Variants in HMGXB4 observed in about 807,000 individuals in gnomAD.
HMGXB4 encodes HMG domain-containing protein 4.
In HMGXB4, 27 loss-of-function variants were observed where a neutral mutation model predicts 63.9. The observed-to-expected ratio is 0.42, with a 90% CI of 0.31 to 0.58. The LOEUF (loss-of-function observed/expected upper bound fraction) is 0.58, where lower values mean the gene tolerates loss of function less well. Ranked by LOEUF, HMGXB4 falls within the 20% of genes least tolerant of loss-of-function variation. HMGXB4 has a pLI of 0.13. For missense variants in HMGXB4, 624 were observed against 700.7 expected (o/e 0.89, Z 1.24); for synonymous variants, 264 against 265.3 (o/e 0.99, Z 0.05).
chr22:35,285,255 T>A lies in HMGXB4; in HGVS notation c.1298-742T>A, dbSNP rs571430943. Among the ~76,000 whole-genome samples, 47 of 152,144 alleles carry A rather than the reference T, an allele frequency of 3.1e-4. 1 individual carries two copies. In the South Asian group the frequency reaches 9.3e-3, roughly 30 times the overall value. On this transcript the variant is annotated intron_variant, in intron 6 of 10. Transcript: ENST00000216106. ...ACCTCATCTCTACAAATAATAATTT[T>A]AAAAAATAGCTGGGCGTGGTGGCTC...
the HMGXB4 span, among the ~76,000 whole-genome samples, chr22:35,247,336 C>G: frequency 6.6e-6 from 1 of 152,210 alleles, no homozygotes; most frequent in Non-Finnish European, 1.5e-5. Context: ...CTGATGGGAA[C>G]CCATATGGTT....
chr22:35,263,713 T>C (rs1923013895), intron 3 of HMGXB4, 83 bp from the exon 4 acceptor site: 2 of 928,736 alleles, frequency 2.2e-6, no homozygotes, highest in South Asian at 2.7e-5. Flanking sequence ...TTTCCCAAAA[T>C]CAAAAATCAT....
the HMGXB4 span, among the ~76,000 whole-genome samples, chr22:35,241,894 G>A: frequency 5.9e-5 from 9 of 152,118 alleles, no homozygotes; most frequent in African/African-American, 2.2e-4. Context: ...GCAAGCCTCA[G>A]CACGCTGCTC....
chr22:35,267,971 C>T (rs1923364256), intron 5 of HMGXB4, among the ~76,000 whole-genome samples: 1 of 152,162 alleles, frequency 6.6e-6, no homozygotes, highest in Non-Finnish European at 1.5e-5. Context: ...ATGAAATTTA[C>T]ATATAGGGAG....
chr22:35,292,057 A>G (rs556191243), intron 9 of HMGXB4, among the ~76,000 whole-genome samples: 1 of 152,342 alleles, frequency 6.6e-6, no homozygotes, highest in South Asian at 2.1e-4. Flanking sequence ...ATTCTTCCTT[A>G]CAGGAAGTTG....
intron 5 of HMGXB4, among the ~76,000 whole-genome samples, chr22:35,272,956 G>A (rs188189401): frequency 3.9e-5 from 6 of 152,242 alleles, no homozygotes; most frequent in East Asian, 3.9e-4. Context: ...ATAATATCCC[G>A]TAATGTTGCC....
intron 5 of HMGXB4, among the ~76,000 whole-genome samples, chr22:35,273,041 AGG>A (rs1923703886): frequency 6.6e-6 from 1 of 152,242 alleles, no homozygotes; most frequent in Non-Finnish European, 1.5e-5. Flanking sequence ...AGGCAGGGCC[AGG>A]TAGCCTAATG....
intron 5 of HMGXB4, among the ~76,000 whole-genome samples, chr22:35,278,703 C>A (rs1282722473): frequency 6.6e-6 from 1 of 151,068 alleles, no homozygotes; most frequent in Non-Finnish European, 1.5e-5. Flanking sequence ...GGCTGGAGTG[C>A]AGAGGTGCAA....
At chr22:35,273,732 A>G (rs1032046362) in intron 5 of HMGXB4, among the ~76,000 whole-genome samples, 1 of 152,188 alleles carries the variant, frequency 6.6e-6, no homozygotes, top group Non-Finnish European at 1.5e-5. Flanking sequence ...TATTTGGAAA[A>G]TAGTTAAGAA....
At chr22:35,284,114 C>T in intron 6 of HMGXB4, 71 bp downstream of exon 6, 1 of 1,013,976 alleles carries the variant, frequency 9.9e-7, no homozygotes, top group Non-Finnish European at 1.6e-6. Flanking sequence ...TTAATTTCTT[C>T]TTCCTGTAGC....
In HMGXB4 at chr22:35,264,913, C is replaced by T. The variant is rs1337001147; in HGVS notation, c.525C>T (p.Leu175=). 1.2e-6 allele frequency: 2 copies of T among 1,614,114 alleles called. No individual in the cohort carries two copies. Among genetic ancestry groups the T allele is most frequent in the Admixed American group, 1.7e-5 (1 of 60,008 alleles). Reference sequence around the variant, plus strand: ...ACAAATCGAAAAAAATGAAACCTCTCTATGTGAACACAGAGACACTGACCC... The same window carrying T: ...ACAAATCGAAAAAAATGAAACCTCTTTATGTGAACACAGAGACACTGACCC... ...GSHKSKKMKP[L]YVNTETLTLR... is the part of the protein sequence containing the mutation. Residue 175 remains leucine, a synonymous_variant, in exon 5 of 11, where the codon CTC becomes CTT. Coordinates refer to ENST00000216106, the MANE Select transcript of HMGXB4 (RefSeq NM_001003681.3).
upstream of HMGXB4, among the ~76,000 whole-genome samples, chr22:35,253,334 T>C (rs963045175): frequency 2.0e-5 from 3 of 152,088 alleles, no homozygotes; most frequent in African/African-American, 7.2e-5. Flanking sequence ...ATTTGTACCA[T>C]AGTAATTATG....
chr22:35,267,425 G>A (rs1230977755), intron 5 of HMGXB4, among the ~76,000 whole-genome samples: 3 of 152,088 alleles, frequency 2.0e-5, no homozygotes, highest in Non-Finnish European at 2.9e-5. Flanking sequence ...GCTGAATGTC[G>A]GAGCACAGGG....
upstream of HMGXB4, among the ~76,000 whole-genome samples, chr22:35,253,678 G>A (rs138940097): frequency 2.1e-3 from 325 of 152,210 alleles, 1 homozygote; most frequent in Middle Eastern, 0.037. Flanking sequence ...CTGGTCAGGA[G>A]ACTATAAAGA....
chr22:35,279,699 T>TTTTTTTTTTTTTG (rs144948164), intron 5 of HMGXB4, among the ~76,000 whole-genome samples: 2 of 108,154 alleles, frequency 1.8e-5, no homozygotes, highest in Non-Finnish European at 2.0e-5. Flanking sequence ...TTTTTTTTTT[T>TTTTTTTTTTTTTG]GGCATGTGGA....
intron 2 of HMGXB4, 41 bp from the exon 3 acceptor site, chr22:35,263,037 A>C (rs1301176453): frequency 1.9e-6 from 3 of 1,596,468 alleles, no homozygotes. Flanking sequence ...TACTTACTTG[A>C]CTTTCTCATT....
At chr22:35,264,449 C>G (rs1316842094) in intron 4 of HMGXB4, among the ~76,000 whole-genome samples, 199 bp from the exon 5 acceptor site, 1 of 152,158 alleles carries the variant, frequency 6.6e-6, no homozygotes, top group African/African-American at 2.4e-5. Flanking sequence ...GAACTGTGTC[C>G]AGGGTCAGAG....
In HMGXB4 at chr22:35,293,039, T is replaced by C. The variant is rs1569008468; in HGVS notation, c.1686T>C (p.Ile562=). ...GTTTGTCAGTGCTTCTGGATTCCATTATCTGTGCCCTTGGCCCCTTGGCAT... is the reference window on the plus strand; with the variant it reads ...GTTTGTCAGTGCTTCTGGATTCCATCATCTGTGCCCTTGGCCCCTTGGCAT... ...SGSLSVLLDS[I]ICALGPLACL... is the part of the protein sequence containing the mutation. Residue 562 remains isoleucine (I), a synonymous_variant, in exon 10 of 11, where the codon ATT becomes ATC. Coordinates refer to ENST00000216106, the MANE Select transcript of HMGXB4 (RefSeq NM_001003681.3). 1.9e-6 allele frequency: 3 copies of C among 1,614,216 alleles called. No individual in the cohort carries two copies. The highest frequency in any genetic ancestry group is 2.5e-6 in the Non-Finnish European group (3 of 1,180,018).
intron 5 of HMGXB4, among the ~76,000 whole-genome samples, chr22:35,267,712 G>A (rs1923347913): frequency 6.6e-6 from 1 of 151,998 alleles, no homozygotes; most frequent in South Asian, 2.1e-4. Context: ...ATTTTATTAT[G>A]AAATTTTTCA....
Sources: allele counts gnomAD v4.1 joint callset (sites outside exome capture counted in the v4.1 genomes callset), GRCh38; gene constraint gnomAD v4.1.1; transcripts MANE v1.5; gene names NCBI Gene and HGNC (gene_info 2026-07-23, HGNC 2026-07-21).